Variants in GALK2 observed in about 807,000 individuals in gnomAD.
The protein encoded by GALK2 is N-acetylgalactosamine kinase.
Under a neutral mutation model 52.4 loss-of-function variants are expected in GALK2, and 36 were observed. That is an observed-to-expected ratio of 0.69 (90% CI 0.53 to 0.91). The LOEUF (loss-of-function observed/expected upper bound fraction) is 0.91. Among genes scored for constraint, GALK2 ranks in the 40% least tolerant of loss-of-function variants. The pLI is 0.00. For synonymous variants in GALK2, 176 were observed against 199.1 expected (o/e 0.88, Z 0.98); for missense variants, 579 against 559.1 (o/e 1.04, Z -0.36).
intron 5 of GALK2, among the ~76,000 whole-genome samples, chr15:49,245,886 A>G (rs2091323833): frequency 6.6e-6 from 1 of 152,186 alleles, no homozygotes; most frequent in African/African-American, 2.4e-5. Context: ...CTTGAACATT[A>G]AACAATTAAT....
intron 7 of GALK2, among the ~76,000 whole-genome samples, chr15:49,285,832 T>G (rs1254925193): frequency 6.6e-6 from 1 of 152,212 alleles, no homozygotes; most frequent in African/African-American, 2.4e-5. Flanking sequence ...TAAATTCCCC[T>G]GCTTAATACC....
rs966648057 is a variant in GALK2, at chr15:49,365,376, A to G, written c.427-2115A>G. The G allele has an allele frequency of 1.2e-5, 16 of 1,281,954 alleles. No individual in the cohort carries two copies. The African/African-American group carries it at 2.0e-4, about 16-fold the overall frequency. The allele number at this position is 1,281,954 out of a possible 1,614,324, so 79.4% of individuals were successfully genotyped here. A position where few individuals can be genotyped will look rare whatever the true frequency, so the allele number is the denominator to read the frequency against. ...GCATAGGCAACTGTAGAGGAAACAT[A>G]GTATATATACGAAGAACCAGTCTAA... On this transcript the variant is annotated intron_variant, in intron 3 of 3. Coordinates refer to the GALK2 transcript ENST00000558399.
intron 1 of GALK2, among the ~76,000 whole-genome samples, chr15:49,163,465 C>A (rs2457227): frequency 0.91 from 137,870 of 152,202 alleles, 63,807 homozygotes; most frequent in Non-Finnish European, 1. Flanking sequence ...TTTACCTCTT[C>A]CATTTAGGTC....
At chr15:49,365,823 C>A in intron 3 of GALK2, 2 of 871,228 alleles carry the variant, frequency 2.3e-6, no homozygotes, top group Non-Finnish European at 4.0e-6. Context: ...ACATAAGTCT[C>A]ACTTCCATGC....
At chr15:49,311,233 T>C (rs182809251) in intron 8 of GALK2, among the ~76,000 whole-genome samples, 57 of 152,326 alleles carry the variant, frequency 3.7e-4, no homozygotes, top group African/African-American at 1.3e-3. Flanking sequence ...TTATATGCAG[T>C]ATTTTGGTTA....
chr15:49,301,629 C>G lies in GALK2; in HGVS notation c.967+9092C>G, dbSNP rs560622415. On this transcript the variant is annotated intron_variant, in intron 8 of 9. Transcript: ENST00000560031. ...GAGAATGGGTCAGTTGGTTTAGATT[C>G]TAGCTTAAAAAAAAAAAGGAATTTG... 2.1e-5 allele frequency among the ~76,000 whole-genome samples: 3 copies of G among 143,926 alleles called. No homozygotes were observed. In the East Asian group the frequency reaches 5.9e-4, roughly 28 times the overall value. 94.4% of individuals were successfully genotyped at this position (143,926 alleles called of 152,430 possible).
At position 49,328,020 on chromosome 15, in the gene GALK2, C is replaced by T. The variant is rs1336810027; in HGVS notation, c.1238C>T (p.Pro413Leu). 29 of 1,613,818 alleles carry T rather than the reference C, an allele frequency of 1.8e-5. No homozygotes were observed. Among genetic ancestry groups the T allele is most frequent in the Non-Finnish European group, 2.4e-5 (28 of 1,179,858 alleles). The change falls in exon 10 of 10, where the codon CCT (proline) becomes CTT (leucine). Residue 413 changes from proline (P) to leucine (L), a missense_variant. Physicochemically the swap from Pro to Leu is moderately conservative, Grantham distance 98. Coordinates refer to ENST00000560031, the MANE Select transcript of GALK2 (RefSeq NM_002044.4). The part of the protein sequence containing the change: ...GWGGCTVSMV[P>L]ADKLPSFLAN... ...GGAGGCTGCACAGTATCAATGGTAC[C>T]TGCGGACAAGCTGCCCAGCTTTCTA...
intron 3 of GALK2, among the ~76,000 whole-genome samples, chr15:49,343,368 A>T (rs2041026580): frequency 1.3e-5 from 2 of 152,106 alleles, no homozygotes; most frequent in South Asian, 4.1e-4. Flanking sequence ...TTTGAATTCC[A>T]GAAGCTCTGA....
chr15:49,319,742 T>C lies in GALK2; in HGVS notation c.1106T>C (p.Met369Thr). Residue 369 changes from methionine (M) to threonine (T), a missense_variant, in exon 9 of 10, where the codon ATG becomes ACG. By Grantham distance (81) the Met-to-Thr change is moderately conservative (BLOSUM62 -1). Transcript: ENST00000560031. Reference sequence around the variant, plus strand: ...GGAGAGTTGATGAACCAGAGCCACATGAGCTGCCGGGACATGTATGAGTGC... The same window carrying C: ...GGAGAGTTGATGAACCAGAGCCACACGAGCTGCCGGGACATGTATGAGTGC... The part of the protein sequence containing the change: ...LLGELMNQSH[M>T]SCRDMYECSC... 1 of 1,614,148 alleles carries C rather than the reference T, an allele frequency of 6.2e-7. No homozygotes were observed.
At chr15:49,173,759 A>G (rs1236335703) in intron 1 of GALK2, among the ~76,000 whole-genome samples, 2 of 151,522 alleles carry the variant, frequency 1.3e-5, no homozygotes, top group Non-Finnish European at 2.9e-5. Flanking sequence ...ATTTCATTTT[A>G]TTTTTTGAGA....
intron 1 of GALK2, among the ~76,000 whole-genome samples, chr15:49,197,237 C>T (rs918289717): frequency 2.6e-5 from 4 of 152,160 alleles, no homozygotes; most frequent in Admixed American, 6.5e-5. Flanking sequence ...TTTAGTCTTT[C>T]GGAATCACCT....
downstream of GALK2, among the ~76,000 whole-genome samples, chr15:49,332,087 CCACACACACACACACACA>C (rs377139081): frequency 3.1e-5 from 4 of 127,854 alleles, no homozygotes; most frequent in African/African-American, 1.0e-4. Flanking sequence ...TGCACACGTG[CCACACACACACACACACA>C]CACACACACA....
intron 1 of GALK2, among the ~76,000 whole-genome samples, chr15:49,175,582 T>G (rs1032179989): frequency 2.0e-5 from 3 of 152,132 alleles, no homozygotes; most frequent in Non-Finnish European, 4.4e-5. Flanking sequence ...CATCCTTTAT[T>G]AAATTAAGGA....
chr15:49,358,017 G>A (rs1333511042), intron 3 of GALK2, among the ~76,000 whole-genome samples: 1 of 151,948 alleles, frequency 6.6e-6, no homozygotes, highest in Non-Finnish European at 1.5e-5. Flanking sequence ...TGCAGAAAAA[G>A]CCTTTGACAA....
intron 3 of GALK2, among the ~76,000 whole-genome samples, chr15:49,349,848 A>G (rs538576752): frequency 5.3e-5 from 8 of 152,280 alleles, no homozygotes; most frequent in African/African-American, 1.9e-4. Flanking sequence ...GTAAGCAAAA[A>G]CGATAAAAAA....
At position 49,228,682 on chromosome 15, in the gene GALK2, T is replaced by TATATATATATAC. The variant is rs1555409030; in HGVS notation, c.267-7163_267-7162insATATACATATAT. On this transcript the variant is annotated intron_variant, in intron 3 of 9. Coordinates refer to ENST00000560031, the MANE Select transcript of GALK2 (RefSeq NM_002044.4). ...ACTGATATATATATATATATATATATATATATTTTTTTTTTTTTTTTTTTT... is the reference window on the plus strand; with the variant it reads ...ACTGATATATATATATATATATATATATATATATATACATATATTTTTTTTTTTTTTTTTTTT... Among the ~76,000 whole-genome samples the TATATATATATAC allele has an allele frequency of 2.3e-3, 33 of 14,552 alleles. 3 individuals carry two copies. Among genetic ancestry groups the TATATATATATAC allele is most frequent in the African/African-American group, 8.9e-3 (31 of 3,490 alleles). 9.5% of individuals were successfully genotyped at this position (14,552 alleles called of 152,430 possible). A position where few individuals can be genotyped will look rare whatever the true frequency, so the allele number is the denominator to read the frequency against.
chr15:49,224,777 AT>A (rs2090034556), intron 3 of GALK2, among the ~76,000 whole-genome samples: 3 of 152,062 alleles, frequency 2.0e-5, no homozygotes, highest in African/African-American at 7.2e-5. Flanking sequence ...GATAACTCCA[AT>A]TTTTTTCCTT....
chr15:49,303,415 A>AG (rs989624984), intron 8 of GALK2, among the ~76,000 whole-genome samples: 5 of 152,194 alleles, frequency 3.3e-5, no homozygotes, highest in Non-Finnish European at 7.3e-5. Flanking sequence ...AGCCGCTGGT[A>AG]GGTAGGTCAG....
intron 3 of GALK2, among the ~76,000 whole-genome samples, chr15:49,218,256 G>A (rs1000531798): frequency 8.6e-5 from 13 of 151,708 alleles, no homozygotes; most frequent in African/African-American, 2.2e-4. Flanking sequence ...TTTTCATTTC[G>A]CATGTTTGAT....
Sources: allele counts gnomAD v4.1 joint callset (sites outside exome capture counted in the v4.1 genomes callset), GRCh38; gene constraint gnomAD v4.1.1; transcripts MANE v1.5; gene names NCBI Gene and HGNC (gene_info 2026-07-23, HGNC 2026-07-21).